The following SCMH1 variants were observed in gnomAD, a reference collection of about 807,000 sequenced individuals.
SCMH1 encodes the protein polycomb protein SCMH1.
SCMH1 carries 37 observed loss-of-function variants against 70.8 expected under a neutral mutation model. That is an observed-to-expected ratio of 0.52 (90% CI 0.40 to 0.69). The LOEUF is 0.69. Among genes scored for constraint, SCMH1 ranks in the 30% least tolerant of loss-of-function variants. The pLI is 0.00. For synonymous variants in SCMH1, 292 were observed against 307.4 expected (o/e 0.95, Z 0.52); for missense variants, 607 against 827.3 (o/e 0.73, Z 3.27).
In SCMH1 at chr1:41,235,532, C is replaced by T. The variant is rs184358541; in HGVS notation, c.-118+6527G>A. On this transcript the variant is annotated intron_variant, in intron 1 of 14. Coordinates refer to ENST00000337495, the Ensembl canonical transcript of SCMH1. Reference sequence around the variant, plus strand: ...GTTGCAGTGAGCCGAGATCGCACCACTGCACTCCAGCCTGGGAGTCAGAAT... The same window carrying T: ...GTTGCAGTGAGCCGAGATCGCACCATTGCACTCCAGCCTGGGAGTCAGAAT... 6.9e-3 allele frequency among the ~76,000 whole-genome samples: 935 copies of T among 135,462 alleles called. 11 individuals are homozygous for T. The highest frequency in any genetic ancestry group is 8.6e-3 in the Non-Finnish European group (563 of 65,700). The allele number at this position is 135,462 out of a possible 152,430, so 88.9% of individuals were successfully genotyped here. A position where few individuals can be genotyped will look rare whatever the true frequency, so the allele number is the denominator to read the frequency against.
At chr1:41,119,321 A>G (rs1420822154) in intron 6 of SCMH1, among the ~76,000 whole-genome samples, 1 of 152,186 alleles carries the variant, frequency 6.6e-6, no homozygotes, top group Non-Finnish European at 1.5e-5. Flanking sequence ...TTCCCAAGGT[A>G]AAGAGATTTC....
Position 41,096,335 on chromosome 1 carries a change from G to A in SCMH1, c.745+16948C>T, listed in dbSNP as rs141379847. 4.7e-4 allele frequency among the ~76,000 whole-genome samples: 72 copies of A among 152,306 alleles called. 2 individuals carry two copies. Among genetic ancestry groups the A allele is most frequent in the African/African-American group, 1.6e-3 (66 of 41,574 alleles). ...GATCTCCCAGGAAATAAATAGCAAA[G>A]GTGGAGCTGGACATTTGAACATGGT... On this transcript the variant is annotated intron_variant, in intron 8 of 14. Transcript: ENST00000337495.
At chr1:41,233,270 T>C (rs1331689974) in intron 1 of SCMH1, among the ~76,000 whole-genome samples, 1 of 152,184 alleles carries the variant, frequency 6.6e-6, no homozygotes, top group Non-Finnish European at 1.5e-5. Flanking sequence ...ATAAGGTCTC[T>C]TTCACCTTCT....
chr1:41,164,373 A>AG (rs1449830407), intron 2 of SCMH1, among the ~76,000 whole-genome samples: 2 of 152,130 alleles, frequency 1.3e-5, no homozygotes, highest in African/African-American at 2.4e-5. Context: ...TCTAAAAAAA[A>AG]AAATTCGTAT....
chr1:41,237,827 C>T (rs1337977462), intron 1 of SCMH1, among the ~76,000 whole-genome samples: 2 of 152,174 alleles, frequency 1.3e-5, no homozygotes, highest in Non-Finnish European at 2.9e-5. Flanking sequence ...CACTTTGCTA[C>T]TACCTCCCTT....
At chr1:41,065,461 TTC>T (rs1274832205) in intron 10 of SCMH1, among the ~76,000 whole-genome samples, 1 of 152,214 alleles carries the variant, frequency 6.6e-6, no homozygotes, top group Non-Finnish European at 1.5e-5. Context: ...CAGAGTGCAC[TTC>T]TGTTTCCACA....
chr1:41,221,263 G>A (rs1269631601), intron 1 of SCMH1, among the ~76,000 whole-genome samples: 1 of 152,122 alleles, frequency 6.6e-6, no homozygotes, highest in Non-Finnish European at 1.5e-5. Context: ...TGGAAAATGA[G>A]GAGTTATTGT....
At chr1:41,086,851 TATA>T (rs1395176136) in intron 8 of SCMH1, among the ~76,000 whole-genome samples, 17 of 135,316 alleles carry the variant, frequency 1.3e-4, no homozygotes, top group Non-Finnish European at 1.5e-4. Flanking sequence ...GCCTGAGCAA[TATA>T]ATGAGACCCT....
intron 11 of SCMH1, 138 bp downstream of exon 11, chr1:41,048,552 G>T: frequency 1.3e-6 from 1 of 752,838 alleles, no homozygotes; most frequent in Non-Finnish European, 2.2e-6. Context: ...GGGGGTTGGA[G>T]ATGAGGAATG....
At chr1:41,205,751 T>C (rs1457542645) in intron 1 of SCMH1, among the ~76,000 whole-genome samples, 2 of 152,114 alleles carry the variant, frequency 1.3e-5, no homozygotes, top group African/African-American at 2.4e-5. Flanking sequence ...CTCCCAACAC[T>C]GGGAGGTACC....
intron 1 of SCMH1, among the ~76,000 whole-genome samples, chr1:41,192,378 C>G (rs1049726125): frequency 6.6e-6 from 1 of 152,022 alleles, no homozygotes; most frequent in African/African-American, 2.4e-5. Context: ...CTATCACTTA[C>G]CAGTTGTATT....
At chr1:41,186,162 G>T (rs999034326) in exon 2 of SCMH1, 9 of 1,344,172 alleles carry the variant, frequency 6.7e-6, no homozygotes, top group Admixed American at 5.9e-5. Context: ...CGGTCTAGGG[G>T]TTAAGAAGTT....
intron 2 of SCMH1, among the ~76,000 whole-genome samples, chr1:41,169,285 G>A (rs927098000): frequency 7.9e-5 from 12 of 152,198 alleles, no homozygotes; most frequent in African/African-American, 2.7e-4. Context: ...GAGGGCTACT[G>A]TTTGTTTTCC....
chr1:41,150,952 A>G (rs993596043), intron 5 of SCMH1, among the ~76,000 whole-genome samples: 4 of 151,540 alleles, frequency 2.6e-5, no homozygotes, highest in East Asian at 1.9e-4. Flanking sequence ...AAAAAAAAAA[A>G]AAAAAGAAAA....
chr1:41,070,841 T>C lies in SCMH1; in HGVS notation c.979-120A>G, dbSNP rs1022928766. The stretch of plus-strand genomic sequence containing the variant: ...TTATGGATGGAATAGTGTTTTATCT[T>C]TGTTCTCTACACAGCATCTGGCTTA... On this transcript the variant is annotated intron_variant, in intron 9 of 14. Transcript: ENST00000337495. 16 of 1,234,570 alleles carry C rather than the reference T, an allele frequency of 1.3e-5. No individual in the cohort carries two copies. In the South Asian group the frequency reaches 2.1e-4, roughly 16 times the overall value. 76.5% of individuals were successfully genotyped at this position (1,234,570 alleles called of 1,614,324 possible).
chr1:41,116,849 A>G, intron 7 of SCMH1, 73 bp downstream of exon 7: 1 of 1,221,690 alleles, frequency 8.2e-7, no homozygotes. Flanking sequence ...GGCCATAAGT[A>G]AATGTGGACA....
chr1:41,157,847 T>C (rs772829530), intron 4 of SCMH1, among the ~76,000 whole-genome samples: 7 of 152,342 alleles, frequency 4.6e-5, no homozygotes, highest in Non-Finnish European at 1.0e-4. Flanking sequence ...GTTCACATCA[T>C]ATCACCATAA....
chr1:41,210,667 G>C (rs1009607353), intron 1 of SCMH1, among the ~76,000 whole-genome samples: 1 of 152,142 alleles, frequency 6.6e-6, no homozygotes, highest in Non-Finnish European at 1.5e-5. Context: ...GCAGAAAGCT[G>C]AAACTGGATC....
intron 1 of SCMH1, among the ~76,000 whole-genome samples, chr1:41,231,791 G>T (rs1453777284): frequency 6.6e-6 from 1 of 152,146 alleles, no homozygotes; most frequent in Non-Finnish European, 1.5e-5. Context: ...GGGAGGCAGA[G>T]GCGGGCAGAT....
Sources: allele counts gnomAD v4.1 joint callset (sites outside exome capture counted in the v4.1 genomes callset), GRCh38; gene constraint gnomAD v4.1.1; transcripts MANE v1.5; gene names NCBI Gene and HGNC (gene_info 2026-07-23, HGNC 2026-07-21).